Variants in SHISA9 observed in about 807,000 individuals in gnomAD.
SHISA9 encodes the protein protein shisa-9.
In SHISA9, 13 loss-of-function variants were observed where a neutral mutation model predicts 38.0. The observed-to-expected ratio is 0.34, with a 90% CI of 0.22 to 0.54. The LOEUF is 0.54. Ranked by LOEUF, SHISA9 falls within the 20% of genes least tolerant of loss-of-function variation. SHISA9 has a pLI of 0.91. For missense variants in SHISA9, 538 were observed against 575.8 expected, an observed-to-expected ratio of 0.93 and a Z score of 0.67; for synonymous variants, 275 against 242.0, an observed-to-expected ratio of 1.14 and a Z score of -1.27.
At chr16:13,451,280 T>C in the SHISA9 span, among the ~76,000 whole-genome samples, 1 of 152,206 alleles carries the variant, frequency 6.6e-6, no homozygotes, top group Admixed American at 6.5e-5. Context: ...CTTTCCTCAC[T>C]GTCCTGCCTT....
chr16:13,257,064 T>A, the SHISA9 span, among the ~76,000 whole-genome samples: 1 of 152,174 alleles, frequency 6.6e-6, no homozygotes, highest in Non-Finnish European at 1.5e-5. Flanking sequence ...CAAACGACCA[T>A]CCAGAGACTC....
rs1476981019 is a variant in SHISA9, at chr16:13,235,209, C to T, written c.1075C>T (p.Pro359Ser). The change falls in exon 5 of 5, where the codon CCC (proline) becomes TCC (serine). Residue 359 changes from proline (P) to serine (S), a missense_variant. Coordinates refer to ENST00000558583, the MANE Select transcript of SHISA9 (RefSeq NM_001145204.3). ...CCGCACCAACAAGATGCCCCCACAT[C>T]CCCTGGCCTACACCTCTACCACCAA... ...KSRTNKMPPH[P>S]LAYTSTTNFK... 7 of 1,551,800 alleles carry T rather than the reference C, an allele frequency of 4.5e-6. No individual in the cohort carries two copies. The South Asian group carries it at 5.9e-5, about 13-fold the overall frequency.
At chr16:13,122,808 A>G (rs2050225039) in intron 2 of SHISA9, among the ~76,000 whole-genome samples, 1 of 152,222 alleles carries the variant, frequency 6.6e-6, no homozygotes, top group South Asian at 2.1e-4. Context: ...GCACTTTGGG[A>G]GGCCGAGGCA....
intron 2 of SHISA9, among the ~76,000 whole-genome samples, chr16:13,075,871 G>A (rs959250402): frequency 3.3e-5 from 5 of 151,936 alleles, no homozygotes; most frequent in South Asian, 2.1e-4. Context: ...TCTTTGTTGC[G>A]GAGGATGGCC....
intron 2 of SHISA9, among the ~76,000 whole-genome samples, chr16:13,019,087 C>G (rs566037392): frequency 6.6e-6 from 1 of 152,156 alleles, no homozygotes; most frequent in Admixed American, 6.5e-5. Context: ...GCAACCTCCA[C>G]CTCCCCAGTT....
intron 2 of SHISA9, among the ~76,000 whole-genome samples, chr16:13,192,989 C>CA (rs2050901627): frequency 6.6e-6 from 1 of 152,012 alleles, no homozygotes; most frequent in African/African-American, 2.4e-5. Flanking sequence ...GAAGAAGAAA[C>CA]AAAAAAGCAT....
intron 2 of SHISA9, among the ~76,000 whole-genome samples, chr16:12,961,125 C>A (rs150829274): frequency 4.6e-5 from 7 of 152,138 alleles, no homozygotes; most frequent in African/African-American, 1.2e-4. Flanking sequence ...AGCTGAGACC[C>A]GGAGGATGAG....
At chr16:12,904,367 C>T (rs2071065112) in intron 1 of SHISA9, among the ~76,000 whole-genome samples, 1 of 152,144 alleles carries the variant, frequency 6.6e-6, no homozygotes, top group Non-Finnish European at 1.5e-5. Context: ...GATGGTTGGC[C>T]TGACGGGAGG....
At chr16:13,128,924 C>G (rs570067641) in intron 2 of SHISA9, among the ~76,000 whole-genome samples, 1 of 152,220 alleles carries the variant, frequency 6.6e-6, no homozygotes, top group South Asian at 2.1e-4. Context: ...AAATCCACCT[C>G]TGTGGGGATA....
chr16:13,385,453 A>G, the SHISA9 span, among the ~76,000 whole-genome samples: 1 of 151,536 alleles, frequency 6.6e-6, no homozygotes, highest in Non-Finnish European at 1.5e-5. Context: ...ATGAAATAGT[A>G]CTCAGCAAAG....
the SHISA9 span, among the ~76,000 whole-genome samples, chr16:13,551,316 T>G: frequency 6.6e-6 from 1 of 152,152 alleles, no homozygotes; most frequent in African/African-American, 2.4e-5. Flanking sequence ...ATTCACAACC[T>G]TCAGCACATA....
chr16:13,006,948 C>A (rs537155699), intron 2 of SHISA9, among the ~76,000 whole-genome samples: 2 of 152,264 alleles, frequency 1.3e-5, no homozygotes, highest in South Asian at 4.2e-4. Context: ...TGGGTATCTT[C>A]AGCTCTCTTT....
chr16:13,180,773 T>G (rs927933676), intron 2 of SHISA9, among the ~76,000 whole-genome samples: 1 of 152,154 alleles, frequency 6.6e-6, no homozygotes, highest in African/African-American at 2.4e-5. Context: ...GCCATCCTTA[T>G]GGAATCAGGA....
At chr16:13,338,081 G>A in the SHISA9 span, among the ~76,000 whole-genome samples, 1 of 152,090 alleles carries the variant, frequency 6.6e-6, no homozygotes, top group African/African-American at 2.4e-5. Flanking sequence ...CTTTACTCTG[G>A]CTTGGCTGAA....
chr16:13,367,712 G>GTGCGCGCGCACACACA, the SHISA9 span, among the ~76,000 whole-genome samples: 1 of 104,640 alleles, frequency 9.6e-6, no homozygotes, highest in African/African-American at 3.5e-5. Context: ...GCGCGCGCGC[G>GTGCGCGCGCACACACA]CACACACACA....
the SHISA9 span, among the ~76,000 whole-genome samples, chr16:13,526,670 A>G: frequency 3.5e-4 from 53 of 152,202 alleles, 1 homozygote; most frequent in Admixed American, 3.4e-3. Flanking sequence ...ACAGGCATGA[A>G]CTACCAGGCC....
the SHISA9 span, among the ~76,000 whole-genome samples, chr16:13,430,501 C>T: frequency 1.3e-5 from 2 of 152,170 alleles, no homozygotes; most frequent in Non-Finnish European, 2.9e-5. Flanking sequence ...AAGTTGTTTG[C>T]CCCTGGCACC....
chr16:13,357,777 T>C, the SHISA9 span, among the ~76,000 whole-genome samples: 1,624 of 129,926 alleles, frequency 0.012, 23 homozygotes, highest in African/African-American at 0.045. Flanking sequence ...GGAGTGGGGG[T>C]CGCAAGGTGC....
intron 2 of SHISA9, among the ~76,000 whole-genome samples, chr16:13,155,591 T>G (rs2050537564): frequency 6.7e-6 from 1 of 150,122 alleles, no homozygotes; most frequent in South Asian, 2.1e-4. Context: ...GTGTGTGTGG[T>G]GTGTGTGTGT....
Sources: gnomAD v4.1 joint callset for allele counts (sites outside exome capture counted in the v4.1 genomes callset) on GRCh38, gnomAD v4.1.1 for gene constraint, MANE v1.5 for transcripts, NCBI Gene and HGNC (gene_info 2026-07-23, HGNC 2026-07-21) for gene names.